The following GSAP variants were observed in gnomAD, a reference collection of about 807,000 sequenced individuals.
GSAP encodes gamma-secretase activating protein.
GSAP carries 118 observed loss-of-function variants against 131.7 expected under a neutral mutation model. That is an observed-to-expected ratio of 0.90 (90% CI 0.77 to 1.04). The LOEUF is 1.04. Among genes scored for constraint, GSAP ranks in the 50% least tolerant of loss-of-function variants. The pLI is 0.00. For synonymous variants in GSAP, 381 were observed against 363.4 expected, an observed-to-expected ratio of 1.05 and a Z score of -0.55; for missense variants, 1,019 against 1,013.2, an observed-to-expected ratio of 1.01 and a Z score of -0.08.
At chr7:77,375,001 T>C in intron 11 of GSAP, 57 bp downstream of exon 11, 2 of 806,934 alleles carry the variant, frequency 2.5e-6, no homozygotes, top group African/African-American at 1.8e-5. Context: ...CGAATAAATA[T>C]AATCATTTTG....
intron 1 of GSAP, among the ~76,000 whole-genome samples, chr7:77,411,774 T>C (rs774700220): frequency 7.2e-5 from 11 of 152,148 alleles, no homozygotes; most frequent in Admixed American, 1.3e-4. Flanking sequence ...TTCAAAAATA[T>C]ATATATGAAA....
chr7:77,324,895 C>T (rs1584259899), intron 23 of GSAP, among the ~76,000 whole-genome samples: 2 of 143,830 alleles, frequency 1.4e-5, no homozygotes, highest in Admixed American at 7.2e-5. Context: ...CAGCTCACTG[C>T]AACCTCCACC....
At chr7:77,340,999 T>A (rs11760571) in intron 19 of GSAP, among the ~76,000 whole-genome samples, 1 of 152,110 alleles carries the variant, frequency 6.6e-6, no homozygotes, top group Non-Finnish European at 1.5e-5. Flanking sequence ...ACCTCTCACC[T>A]GACCTAAAAC....
At chr7:77,415,110 A>G (rs1263582931) in intron 1 of GSAP, among the ~76,000 whole-genome samples, 1 of 152,132 alleles carries the variant, frequency 6.6e-6, no homozygotes, top group Non-Finnish European at 1.5e-5. Flanking sequence ...TGCAAACTCA[A>G]TGCATACGCT....
At chr7:77,332,762 G>A (rs966129626) in intron 19 of GSAP, among the ~76,000 whole-genome samples, 23 of 152,116 alleles carry the variant, frequency 1.5e-4, no homozygotes, top group African/African-American at 5.3e-4. Context: ...TAGGAGGGGG[G>A]TCACTGGCCT....
intron 26 of GSAP, 95 bp from the exon 27 acceptor site, chr7:77,314,584 C>T (rs1459678072): frequency 7.3e-7 from 1 of 1,366,814 alleles, no homozygotes; most frequent in Non-Finnish European, 1.0e-6. Context: ...GCACTTAGTT[C>T]AGTGCTTGGT....
chr7:77,383,539 T>G (rs1208858361), intron 6 of GSAP, among the ~76,000 whole-genome samples: 2 of 152,192 alleles, frequency 1.3e-5, no homozygotes, highest in African/African-American at 4.8e-5. Flanking sequence ...ACAGAACGAC[T>G]GTCACCAGGA....
At chr7:77,339,891 T>G (rs1790636306) in intron 19 of GSAP, among the ~76,000 whole-genome samples, 1 of 152,226 alleles carries the variant, frequency 6.6e-6, no homozygotes, top group Non-Finnish European at 1.5e-5. Context: ...AAGGGTATAG[T>G]AAAACGGGTA....
chr7:77,407,726 G>A (rs1196221266), intron 1 of GSAP, among the ~76,000 whole-genome samples: 1 of 152,118 alleles, frequency 6.6e-6, no homozygotes, highest in Non-Finnish European at 1.5e-5. Context: ...AATATCTAGT[G>A]AAGCTGAACA....
intron 6 of GSAP, among the ~76,000 whole-genome samples, chr7:77,386,826 A>G (rs1211625842): frequency 6.6e-6 from 1 of 152,214 alleles, no homozygotes; most frequent in East Asian, 1.9e-4. Context: ...TTGGGTGACA[A>G]ATTCTTTCAC....
Position 77,413,271 on chromosome 7 carries a change from G to A in GSAP, c.109+2942C>T, listed in dbSNP as rs960336381. Among the ~76,000 whole-genome samples the A allele has an allele frequency of 2.0e-5, 3 of 152,218 alleles. 1 individual carries two copies. Among genetic ancestry groups the A allele is most frequent in the South Asian group, 4.1e-4 (2 of 4,836 alleles). On this transcript the variant is annotated intron_variant, in intron 1 of 30. Transcript: ENST00000257626. ...AAAGAGGAAGCTTCGGAACTGAAATGGAGTTGTCCCATGTTCAGTCAAAAT... is the reference window on the plus strand; with the variant it reads ...AAAGAGGAAGCTTCGGAACTGAAATAGAGTTGTCCCATGTTCAGTCAAAAT...
chr7:77,322,647 C>G (rs900951955), intron 24 of GSAP, among the ~76,000 whole-genome samples: 9 of 141,434 alleles, frequency 6.4e-5, no homozygotes, highest in Non-Finnish European at 1.4e-4. Flanking sequence ...GTAACACATT[C>G]ATCAAGTGAG....
chr7:77,369,314 A>T (rs1300761383), intron 12 of GSAP, among the ~76,000 whole-genome samples: 5 of 152,210 alleles, frequency 3.3e-5, no homozygotes, highest in African/African-American at 1.2e-4. Flanking sequence ...CCTTTTTATT[A>T]GAAAAATATA....
At chr7:77,312,519 C>T (rs1794504556) in intron 28 of GSAP, among the ~76,000 whole-genome samples, 1 of 152,160 alleles carries the variant, frequency 6.6e-6, no homozygotes, top group Non-Finnish European at 1.5e-5. Flanking sequence ...TGACCGGAAA[C>T]TAAGGGGGGT....
chr7:77,335,915 C>G (rs1400641121), intron 19 of GSAP, among the ~76,000 whole-genome samples: 1 of 152,188 alleles, frequency 6.6e-6, no homozygotes, highest in Non-Finnish European at 1.5e-5. Context: ...TGACCCACTA[C>G]CTCTAAGCAT....
In GSAP at chr7:77,341,673, A is replaced by C. The variant is rs1271871454; in HGVS notation, c.1545+7678T>G. On this transcript the variant is annotated intron_variant, in intron 19 of 30. Transcript: ENST00000257626. ...ACCACCCTAGACCCAGAAGGGCCAG[A>C]AGGCCGTCTTATTCTCAGTATGCAT... Among the ~76,000 whole-genome samples the C allele has an allele frequency of 2.0e-5, 3 of 152,338 alleles. 1 individual carries two copies. Among genetic ancestry groups the C allele is most frequent in the African/African-American group, 7.2e-5 (3 of 41,586 alleles).
chr7:77,398,771 CAA>C (rs58613193), intron 3 of GSAP, among the ~76,000 whole-genome samples: 1 of 150,070 alleles, frequency 6.7e-6, no homozygotes, highest in African/African-American at 2.4e-5. Context: ...CTGTCTCAAA[CAA>C]AAAAAAAGGT....
At chr7:77,381,278 G>C in intron 8 of GSAP, 27 bp downstream of exon 8, 2 of 1,409,268 alleles carry the variant, frequency 1.4e-6, no homozygotes, top group Non-Finnish European at 2.0e-6. Flanking sequence ...AAAAACCTAT[G>C]AAGCGAAAAG....
At chr7:77,356,420 A>T (rs1369372297) in intron 14 of GSAP, among the ~76,000 whole-genome samples, 1 of 152,214 alleles carries the variant, frequency 6.6e-6, no homozygotes, top group Non-Finnish European at 1.5e-5. Context: ...CAGTTTCGGG[A>T]AGCTCTAAAA....
Sources: gnomAD v4.1 joint callset for allele counts (sites outside exome capture counted in the v4.1 genomes callset) on GRCh38, gnomAD v4.1.1 for gene constraint, MANE v1.5 for transcripts, NCBI Gene and HGNC (gene_info 2026-07-23, HGNC 2026-07-21) for gene names.